The following GFRA1 variants were observed in gnomAD, a reference collection of about 807,000 sequenced individuals.
GFRA1 encodes GDNF family receptor alpha-1.
A neutral mutation model predicts 51.6 loss-of-function variants in GFRA1; 16 were observed. The ratio of observed to expected loss-of-function variants is 0.31; its 90% confidence interval spans 0.21 to 0.47. The LOEUF (loss-of-function observed/expected upper bound fraction) is 0.47. GFRA1 is among the 20% of genes least tolerant of loss of function. The pLI, the probability that GFRA1 is intolerant of heterozygous loss-of-function variation, is 1.00. For synonymous variants in GFRA1, 270 were observed against 241.3 expected (o/e 1.12, Z -1.10); for missense variants, 530 against 594.3 (o/e 0.89, Z 1.13).
intron 5 of GFRA1, among the ~76,000 whole-genome samples, chr10:116,161,473 G>C (rs763049475): frequency 9.2e-5 from 14 of 152,150 alleles, no homozygotes; most frequent in Non-Finnish European, 1.9e-4. Context: ...CGCCAACTTT[G>C]GCATGAAAAT....
At chr10:116,131,896 C>T (rs1170755827) in intron 5 of GFRA1, among the ~76,000 whole-genome samples, 1 of 116,392 alleles carries the variant, frequency 8.6e-6, no homozygotes, top group Non-Finnish European at 1.7e-5. Flanking sequence ...TAAACATTAT[C>T]TCAAAAGGAA....
At chr10:116,175,010 C>T (rs1046695477) in intron 5 of GFRA1, among the ~76,000 whole-genome samples, 4 of 152,198 alleles carry the variant, frequency 2.6e-5, no homozygotes, top group Non-Finnish European at 4.4e-5. Flanking sequence ...GGCAGGTGCA[C>T]AGTCCTTGCT....
intron 6 of GFRA1, among the ~76,000 whole-genome samples, chr10:116,100,447 T>C (rs1956774496): frequency 6.6e-6 from 1 of 152,196 alleles, no homozygotes; most frequent in African/African-American, 2.4e-5. Context: ...CATTCTCAAC[T>C]GCTGCACTTA....
In GFRA1 at chr10:116,089,972, AAC is replaced by A. The variant is rs1565566784; in HGVS notation, c.1016-52_1016-51del. The A allele has an allele frequency of 2.7e-6, 4 of 1,508,270 alleles. No individual in the cohort carries two copies. In the Admixed American group the frequency reaches 7.5e-5, roughly 28 times the overall value. The allele number at this position is 1,508,270 out of a possible 1,614,324, so 93.4% of individuals were successfully genotyped here. ...AATTTCAAAGTCAAGCAGCAAACGT[AAC>A]AGACAGGATATACACAGCCAGAGAG... On this transcript the variant is annotated intron_variant, in intron 8 of 10. Transcript: ENST00000355422.
intron 4 of GFRA1, among the ~76,000 whole-genome samples, chr10:116,221,711 C>T (rs1965937777): frequency 6.6e-6 from 1 of 152,166 alleles, no homozygotes; most frequent in Non-Finnish European, 1.5e-5. Context: ...AGGCGTGAAT[C>T]ACCGCACCTG....
intron 9 of GFRA1, among the ~76,000 whole-genome samples, chr10:116,087,064 T>C (rs1956130737): frequency 6.6e-6 from 1 of 152,190 alleles, no homozygotes; most frequent in South Asian, 2.1e-4. Context: ...TTTGTCCTTC[T>C]GTTTAGGAAG....
chr10:116,232,154 T>C (rs1398679627), intron 4 of GFRA1, among the ~76,000 whole-genome samples: 2 of 152,188 alleles, frequency 1.3e-5, no homozygotes, highest in African/African-American at 2.4e-5. Flanking sequence ...CCATCCATAC[T>C]TGGATAGTTG....
intron 4 of GFRA1, among the ~76,000 whole-genome samples, chr10:116,252,198 A>G (rs1968436049): frequency 6.6e-6 from 1 of 151,672 alleles, no homozygotes; most frequent in Admixed American, 6.6e-5. Flanking sequence ...CTGCCTAGGA[A>G]CTCACAAGTA....
intron 9 of GFRA1, among the ~76,000 whole-genome samples, chr10:116,070,554 A>T (rs1408804018): frequency 1.3e-5 from 2 of 152,220 alleles, no homozygotes; most frequent in Non-Finnish European, 2.9e-5. Flanking sequence ...ACCTGCTTCC[A>T]AGTAAGCATC....
chr10:116,266,785 C>G (rs1589925378), intron 4 of GFRA1, among the ~76,000 whole-genome samples: 1 of 152,334 alleles, frequency 6.6e-6, no homozygotes. Flanking sequence ...CCAGTGGTAT[C>G]TGAGAATGAC....
At chr10:116,157,311 T>C (rs1240886534) in intron 5 of GFRA1, among the ~76,000 whole-genome samples, 1 of 152,202 alleles carries the variant, frequency 6.6e-6, no homozygotes, top group Non-Finnish European at 1.5e-5. Flanking sequence ...AAGGGCCTAA[T>C]ACTCAAAAGC....
At chr10:116,083,597 C>T (rs371268281) in intron 9 of GFRA1, among the ~76,000 whole-genome samples, 102 of 152,352 alleles carry the variant, frequency 6.7e-4, no homozygotes, top group African/African-American at 2.4e-3. Flanking sequence ...TGGCAGCTTT[C>T]CTTTTAAAAC....
intron 4 of GFRA1, among the ~76,000 whole-genome samples, chr10:116,251,658 G>C (rs573090190): frequency 1.3e-5 from 2 of 152,314 alleles, no homozygotes; most frequent in African/African-American, 4.8e-5. Flanking sequence ...TCAGCCAGTA[G>C]AGTTCCTTTA....
At chr10:116,223,008 C>T (rs114647451) in intron 4 of GFRA1, among the ~76,000 whole-genome samples, 1,542 of 152,230 alleles carry the variant, frequency 0.01, 25 homozygotes, top group African/African-American at 0.035. Flanking sequence ...GAAGGATGTG[C>T]ATAAGCAAGT....
intron 5 of GFRA1, among the ~76,000 whole-genome samples, chr10:116,128,080 G>T (rs146812696): frequency 1.3e-5 from 2 of 152,146 alleles, no homozygotes; most frequent in African/African-American, 2.4e-5. Context: ...CTGAAGAATC[G>T]AGTCAATACA....
chr10:116,059,384 T>C lies in GFRA1; in HGVS notation c.*5014A>G, dbSNP rs1307368107. ...CTAGCCTGAGAGGAAGAGAAGAAAA[T>C]CAGAGAAAACCTTCTATTGATGCCG... On this transcript the variant is annotated 3_prime_UTR_variant, in exon 11 of 11. Transcript: ENST00000355422. 2 of 152,152 alleles carry C rather than the reference T, an allele frequency of 1.3e-5. No homozygotes were observed. The highest frequency in any genetic ancestry group is 2.9e-5 in the Non-Finnish European group (2 of 68,068). The allele number at this position is 152,152 out of a possible 1,614,324, so 9.4% of individuals were successfully genotyped here.
At chr10:116,211,576 A>G in intron 5 of GFRA1, 55 bp downstream of exon 5, 1 of 1,480,630 alleles carries the variant, frequency 6.8e-7, no homozygotes, top group Non-Finnish European at 9.2e-7. Flanking sequence ...GACCATACCC[A>G]TGTTCCCCAA....
chr10:116,153,988 C>T (rs370171665), intron 5 of GFRA1, among the ~76,000 whole-genome samples: 1 of 152,214 alleles, frequency 6.6e-6, no homozygotes, highest in African/African-American at 2.4e-5. Context: ...AAGAAACATG[C>T]AGAAATGTGC....
intron 5 of GFRA1, among the ~76,000 whole-genome samples, chr10:116,183,204 C>A (rs1962397916): frequency 1.3e-5 from 2 of 152,158 alleles, no homozygotes; most frequent in African/African-American, 4.8e-5. Flanking sequence ...AGTTGTTTTA[C>A]CCGCTGGGCC....
Sources: gnomAD v4.1 joint callset for allele counts (sites outside exome capture counted in the v4.1 genomes callset) on GRCh38, gnomAD v4.1.1 for gene constraint, MANE v1.5 for transcripts, NCBI Gene and HGNC (gene_info 2026-07-23, HGNC 2026-07-21) for gene names.